GSG1L: variants seen among roughly 807,000 people sequenced by gnomAD.
GSG1L encodes the protein GSG1 like, also known as germ cell-specific gene 1-like protein.
In GSG1L, 24 loss-of-function variants were observed where a neutral mutation model predicts 42.1. The observed-to-expected ratio is 0.57, with a 90% confidence interval of 0.41 to 0.80. The LOEUF (loss-of-function observed/expected upper bound fraction) is 0.80. Ranked by LOEUF, GSG1L falls within the 30% of genes least tolerant of loss-of-function variation. The probability of loss-of-function intolerance (pLI) is 0.00; values close to 1 mark genes in which losing one functional copy is unlikely to be tolerated. For synonymous variants in GSG1L, 215 were observed against 203.5 expected (o/e 1.06, Z -0.48); for missense variants, 445 against 472.2 (o/e 0.94, Z 0.53).
chr16:27,819,685 A>G (rs1326239406), intron 5 of GSG1L, among the ~76,000 whole-genome samples: 5 of 152,140 alleles, frequency 3.3e-5, no homozygotes, highest in Non-Finnish European at 7.4e-5. Flanking sequence ...ATGCAGGGCA[A>G]GGGGCCCGGA....
intron 2 of GSG1L, among the ~76,000 whole-genome samples, chr16:27,934,222 A>G (rs1038627402): frequency 6.6e-6 from 1 of 152,168 alleles, no homozygotes; most frequent in Non-Finnish European, 1.5e-5. Flanking sequence ...AAAGTCATTG[A>G]GGTGCAAGAA....
intron 1 of GSG1L, among the ~76,000 whole-genome samples, chr16:28,044,799 AT>A: frequency 6.6e-6 from 1 of 152,000 alleles, no homozygotes; most frequent in South Asian, 2.1e-4. Context: ...AATTTTTTGT[AT>A]TTTTAGTAGG....
chr16:27,918,667 G>GAA (rs11314607), intron 2 of GSG1L, among the ~76,000 whole-genome samples: 3 of 141,610 alleles, frequency 2.1e-5, no homozygotes, highest in Admixed American at 7.0e-5. Flanking sequence ...TCAAAAAAAA[G>GAA]AAAAAAAAAA....
intron 1 of GSG1L, among the ~76,000 whole-genome samples, chr16:28,020,378 C>T (rs2085828564): frequency 6.6e-6 from 1 of 152,096 alleles, no homozygotes; most frequent in Non-Finnish European, 1.5e-5. Context: ...TAAAGTAATA[C>T]CCAGAAGAAT....
intron 1 of GSG1L, among the ~76,000 whole-genome samples, chr16:28,030,888 TAGGATGGGTTGGGAC>T (rs1368939579): frequency 1.5e-5 from 2 of 137,444 alleles, no homozygotes; most frequent in Non-Finnish European, 3.1e-5. Flanking sequence ...TGGGTTGGGA[TAGGATGGGTTGGGAC>T]AGGATGGAAC....
intron 2 of GSG1L, among the ~76,000 whole-genome samples, chr16:27,935,286 C>T (rs1419401715): frequency 6.6e-6 from 1 of 151,990 alleles, no homozygotes; most frequent in East Asian, 1.9e-4. Flanking sequence ...CTGCCACAGC[C>T]CGGCCAGCCT....
Position 27,788,555 on chromosome 16 carries a change from T to C in GSG1L, c.*2815A>G, listed in dbSNP as rs971743656. ...ACCTCCCTGCTCTCCACACCTGCCA[T>C]TGGGACTATTTTAAAGTCCTCTAAT... On this transcript the variant is annotated 3_prime_UTR_variant, in exon 7 of 7. Coordinates refer to ENST00000447459, the MANE Select transcript of GSG1L (RefSeq NM_001109763.2). The C allele has an allele frequency of 1.3e-5, 2 of 152,264 alleles. No homozygotes were observed. The highest frequency in any genetic ancestry group is 6.5e-5 in the Admixed American group (1 of 15,284). The allele number at this position is 152,264 out of a possible 1,614,324, so 9.4% of individuals were successfully genotyped here.
chr16:27,839,453 A>G (rs1319428196), intron 4 of GSG1L, among the ~76,000 whole-genome samples: 1 of 152,236 alleles, frequency 6.6e-6, no homozygotes, highest in Non-Finnish European at 1.5e-5. Context: ...GACTGATAAA[A>G]GGCAAAACAG....
intron 2 of GSG1L, among the ~76,000 whole-genome samples, chr16:27,885,657 A>T (rs1480384345): frequency 6.6e-6 from 1 of 152,232 alleles, no homozygotes; most frequent in East Asian, 1.9e-4. Context: ...CAGTATGATT[A>T]TCTGACTTAT....
intron 2 of GSG1L, among the ~76,000 whole-genome samples, chr16:27,900,752 A>C (rs2084247108): frequency 1.3e-5 from 2 of 152,116 alleles, no homozygotes; most frequent in African/African-American, 2.4e-5. Flanking sequence ...GATGTTTTTC[A>C]ATGCATAAAA....
At chr16:27,821,368 A>C (rs1478048299) in intron 5 of GSG1L, among the ~76,000 whole-genome samples, 2 of 152,020 alleles carry the variant, frequency 1.3e-5, no homozygotes, top group African/African-American at 2.4e-5. Context: ...GTTGGGCTTC[A>C]GTTGATCCCA....
At chr16:27,972,241 G>C (rs978692167) in intron 1 of GSG1L, among the ~76,000 whole-genome samples, 8 of 152,252 alleles carry the variant, frequency 5.3e-5, no homozygotes, top group Non-Finnish European at 8.8e-5. Context: ...AAGCAGAGGT[G>C]ATCAAACTTA....
intron 3 of GSG1L, among the ~76,000 whole-genome samples, chr16:27,853,931 G>A (rs192258024): frequency 4.9e-4 from 74 of 152,186 alleles, no homozygotes; most frequent in Admixed American, 3.9e-3. Context: ...CAGGCTGCCA[G>A]CATTCCCTGT....
chr16:28,047,333 T>C (rs1205759018), intron 1 of GSG1L, among the ~76,000 whole-genome samples: 7 of 152,018 alleles, frequency 4.6e-5, no homozygotes, highest in Admixed American at 1.3e-4. Context: ...TTAATATCAG[T>C]ATGCATGCTT....
chr16:27,811,355 G>T (rs2083028874), intron 5 of GSG1L, among the ~76,000 whole-genome samples: 1 of 151,944 alleles, frequency 6.6e-6, no homozygotes, highest in Non-Finnish European at 1.5e-5. Context: ...CATTTTTGTT[G>T]ACTCTTCCAA....
intron 2 of GSG1L, among the ~76,000 whole-genome samples, chr16:27,959,698 C>T (rs773740165): frequency 3.3e-5 from 5 of 152,078 alleles, no homozygotes; most frequent in Non-Finnish European, 5.9e-5. Flanking sequence ...AGAAGGATTG[C>T]TTGAGCCCAA....
chr16:28,054,063 C>A (rs779978606), intron 1 of GSG1L, among the ~76,000 whole-genome samples: 1 of 152,128 alleles, frequency 6.6e-6, no homozygotes, highest in African/African-American at 2.4e-5. Context: ...ACCCGCCCTG[C>A]GTCTGTCACT....
At chr16:28,033,423 T>A (rs1005950873) in intron 1 of GSG1L, among the ~76,000 whole-genome samples, 2 of 152,216 alleles carry the variant, frequency 1.3e-5, no homozygotes, top group Non-Finnish European at 2.9e-5. Flanking sequence ...AGTGGGTGAC[T>A]GGGAATGAGA....
At chr16:27,881,293 G>A (rs1380612942) in intron 3 of GSG1L, among the ~76,000 whole-genome samples, 1 of 145,762 alleles carries the variant, frequency 6.9e-6, no homozygotes, top group Non-Finnish European at 1.5e-5. Flanking sequence ...CCAAGCTGGA[G>A]TGCAGCTGTG....
Sources: allele counts gnomAD v4.1 joint callset (sites outside exome capture counted in the v4.1 genomes callset), GRCh38; gene constraint gnomAD v4.1.1; transcripts MANE v1.5; gene names NCBI Gene and HGNC (gene_info 2026-07-23, HGNC 2026-07-21).